SLC4A4: variants seen among roughly 807,000 people sequenced by gnomAD.
SLC4A4 encodes electrogenic sodium bicarbonate cotransporter 1.
A neutral mutation model predicts 111.5 loss-of-function variants in SLC4A4; 27 were observed. The ratio of observed to expected loss-of-function variants is 0.24; its 90% confidence interval spans 0.18 to 0.33. The LOEUF is 0.33. Among genes scored for constraint, SLC4A4 ranks in the 10% least tolerant of loss-of-function variants. The probability of loss-of-function intolerance (pLI) is 1.00; values close to 1 mark genes in which losing one functional copy is unlikely to be tolerated. For missense variants in SLC4A4, 909 were observed against 1,315.5 expected (o/e 0.69, Z 4.78); for synonymous variants, 443 against 463.4 (o/e 0.96, Z 0.57).
chr4:71,424,579 T>C (rs1722913580), intron 7 of SLC4A4, among the ~76,000 whole-genome samples: 1 of 152,034 alleles, frequency 6.6e-6, no homozygotes, highest in South Asian at 2.1e-4. Context: ...TAGCAAAGAC[T>C]TGGAACCAAC....
intron 3 of SLC4A4, among the ~76,000 whole-genome samples, chr4:71,280,508 A>C (rs905387613): frequency 6.6e-6 from 1 of 152,118 alleles, no homozygotes; most frequent in South Asian, 2.1e-4. Context: ...TTCATCTAGG[A>C]GTTTTATGGT....
Position 71,339,505 on chromosome 4 carries a change from G to A in SLC4A4, c.389G>A (p.Arg130Lys), listed in dbSNP as rs1441556936. The A allele has an allele frequency of 6.2e-7, 1 of 1,612,940 alleles. No individual in the cohort carries two copies. Among genetic ancestry groups the A allele is most frequent in the Non-Finnish European group, 8.5e-7 (1 of 1,180,010 alleles). The change falls in exon 4 of 26, where the codon AGG becomes AAG. Residue 130 changes from arginine (R) to lysine (K), a missense_variant and splice_region_variant. This residue lies in a region of SLC4A4 where 4 missense variants were observed against 25.7 expected (regional missense o/e 0.16). Coordinates refer to ENST00000264485, the MANE Select transcript of SLC4A4 (RefSeq NM_001098484.3). Reference protein sequence around the residue: ...GQEMEWKETARWIKFEEKVEQ... With the variant: ...GQEMEWKETAKWIKFEEKVEQ... ...GAGATGGAGTGGAAGGAAACAGCCA[G>A]GTGAGGCATAGCTGACTGTATGTAG...
chr4:71,550,721 C>G (rs925620234), intron 20 of SLC4A4, among the ~76,000 whole-genome samples: 2 of 151,834 alleles, frequency 1.3e-5, no homozygotes, highest in Non-Finnish European at 2.9e-5. Context: ...CTCCATATAT[C>G]CCTCACAAGT....
At chr4:71,269,731 T>C (rs1722564636) in intron 3 of SLC4A4, among the ~76,000 whole-genome samples, 1 of 152,226 alleles carries the variant, frequency 6.6e-6, no homozygotes, top group Admixed American at 6.5e-5. Flanking sequence ...ATAATGCCAG[T>C]GTTATTTTTC....
At chr4:71,265,854 C>A (rs1398428829) in intron 3 of SLC4A4, among the ~76,000 whole-genome samples, 2 of 152,126 alleles carry the variant, frequency 1.3e-5, no homozygotes, top group South Asian at 4.2e-4. Flanking sequence ...TTATGCTAGT[C>A]CTTTTCCTAA....
intron 16 of SLC4A4, among the ~76,000 whole-genome samples, chr4:71,507,610 T>C (rs1731536274): frequency 6.6e-6 from 1 of 152,104 alleles, no homozygotes; most frequent in Non-Finnish European, 1.5e-5. Context: ...TTAGAGACCG[T>C]CAAAGTGACT....
chr4:71,431,855 C>G (rs1169163386), intron 7 of SLC4A4, among the ~76,000 whole-genome samples: 1 of 151,792 alleles, frequency 6.6e-6, no homozygotes, highest in African/African-American at 2.4e-5. Context: ...TCAGTAGGTT[C>G]CAGATTGAAC....
chr4:71,277,751 G>C (rs1723189289), intron 3 of SLC4A4, among the ~76,000 whole-genome samples: 1 of 151,422 alleles, frequency 6.6e-6, no homozygotes, highest in South Asian at 2.1e-4. Flanking sequence ...TTCTTTGTTA[G>C]ATATGTGATT....
chr4:71,523,821 G>A (rs1199903385), intron 16 of SLC4A4, among the ~76,000 whole-genome samples: 1 of 152,028 alleles, frequency 6.6e-6, no homozygotes, highest in African/African-American at 2.4e-5. Flanking sequence ...CTTTATGATA[G>A]TGATTTATTT....
At chr4:71,521,983 G>A (rs1275529535) in intron 16 of SLC4A4, among the ~76,000 whole-genome samples, 4 of 152,110 alleles carry the variant, frequency 2.6e-5, no homozygotes, top group Non-Finnish European at 5.9e-5. Flanking sequence ...ACCTCACGGA[G>A]CCACTAGCAA....
At chr4:71,381,711 G>A (rs962586635) in intron 6 of SLC4A4, among the ~76,000 whole-genome samples, 4 of 152,136 alleles carry the variant, frequency 2.6e-5, no homozygotes, top group Non-Finnish European at 4.4e-5. Flanking sequence ...ATCTTAGAGA[G>A]CTACCAGTTA....
intron 6 of SLC4A4, among the ~76,000 whole-genome samples, chr4:71,363,915 A>G (rs907578784): frequency 1.3e-5 from 2 of 152,168 alleles, no homozygotes; most frequent in African/African-American, 4.8e-5. Flanking sequence ...TATTATGGCT[A>G]TTGTTATTAT....
At chr4:71,430,034 T>C (rs1374798274) in intron 7 of SLC4A4, among the ~76,000 whole-genome samples, 2 of 152,126 alleles carry the variant, frequency 1.3e-5, no homozygotes, top group Non-Finnish European at 2.9e-5. Flanking sequence ...TGAGATGTTA[T>C]TGTACTTGGA....
chr4:71,375,616 TA>T (rs1732278031), intron 6 of SLC4A4, among the ~76,000 whole-genome samples: 1 of 152,192 alleles, frequency 6.6e-6, no homozygotes, highest in Non-Finnish European at 1.5e-5. Context: ...CTTTGCACTA[TA>T]ATGTATGAGT....
At chr4:71,461,756 C>A (rs1726849170) in intron 12 of SLC4A4, among the ~76,000 whole-genome samples, 1 of 152,024 alleles carries the variant, frequency 6.6e-6, no homozygotes, top group Non-Finnish European at 1.5e-5. Flanking sequence ...AAAACATGGG[C>A]CAAACACGGG....
intron 1 of SLC4A4, among the ~76,000 whole-genome samples, chr4:71,233,857 A>G (rs1040096948): frequency 6.6e-6 from 1 of 152,146 alleles, no homozygotes; most frequent in African/African-American, 2.4e-5. Context: ...TTTAAAAATG[A>G]AAAACAGTTC....
Position 71,226,100 on chromosome 4 carries a change from G to T in SLC4A4, c.-1-10476G>T, listed in dbSNP as rs2149027523. On this transcript the variant is annotated intron_variant, in intron 1 of 25. Coordinates refer to ENST00000264485, the MANE Select transcript of SLC4A4 (RefSeq NM_001098484.3). Reference sequence around the variant, plus strand: ...AGTTGCAGGCCTGATGAGCAAAATTGAACTTTCTTATAACTTTCCTGCTGC... The same window carrying T: ...AGTTGCAGGCCTGATGAGCAAAATTTAACTTTCTTATAACTTTCCTGCTGC... Among the ~76,000 whole-genome samples the T allele has an allele frequency of 1.3e-5, 2 of 152,240 alleles. 1 individual carries two copies. The highest frequency in any genetic ancestry group is 4.1e-4 in the South Asian group (2 of 4,822).
intron 7 of SLC4A4, among the ~76,000 whole-genome samples, chr4:71,435,896 A>G (rs574019646): frequency 1.2e-3 from 182 of 152,360 alleles, no homozygotes; most frequent in African/African-American, 4.3e-3. Context: ...ATCATTAAAA[A>G]GTCAGGAAAC....
At chr4:71,151,845 G>C (rs1234540265) in intron 2 of SLC4A4, among the ~76,000 whole-genome samples, 2 of 151,564 alleles carry the variant, frequency 1.3e-5, no homozygotes, top group Admixed American at 1.3e-4. Context: ...CAAATCACTT[G>C]AGGTCAGGAG....
Sources: allele counts gnomAD v4.1 joint callset (sites outside exome capture counted in the v4.1 genomes callset), GRCh38; gene constraint gnomAD v4.1.1; regional missense constraint gnomAD v4.1.1; transcripts MANE v1.5; gene names NCBI Gene and HGNC (gene_info 2026-07-23, HGNC 2026-07-21).